PDE1A: variants seen among roughly 807,000 people sequenced by gnomAD.
The protein encoded by PDE1A is phosphodiesterase 1A.
In PDE1A, 35 loss-of-function variants were observed where a neutral mutation model predicts 61.7. The ratio of observed to expected loss-of-function variants is 0.57; its 90% CI spans 0.43 to 0.75. PDE1A has a LOEUF of 0.75. Ranked by LOEUF, PDE1A falls within the 30% of genes least tolerant of loss-of-function variation. The pLI is 0.00. For missense variants in PDE1A, 597 were observed against 630.6 expected (o/e 0.95, Z 0.57); for synonymous variants, 232 against 213.2 (o/e 1.09, Z -0.77).
intron 7 of PDE1A, among the ~76,000 whole-genome samples, chr2:182,210,136 G>A (rs1275484518): frequency 6.6e-6 from 1 of 152,180 alleles, no homozygotes; most frequent in Non-Finnish European, 1.5e-5. Context: ...GAATGTGTTT[G>A]TAATTTTTTT....
intron 11 of PDE1A, 37 bp downstream of exon 11, chr2:182,188,942 A>T: frequency 7.2e-7 from 1 of 1,380,296 alleles, no homozygotes; most frequent in Non-Finnish European, 1.0e-6. Context: ...TGACAAGCAC[A>T]CACTCACTTT....
chr2:182,262,513 C>T (rs900997261), intron 2 of PDE1A, among the ~76,000 whole-genome samples: 3 of 152,134 alleles, frequency 2.0e-5, no homozygotes, highest in Non-Finnish European at 4.4e-5. Context: ...AAGTGATCCG[C>T]CCACTTCAGC....
At chr2:182,411,849 GGAGTTCAA>G (rs917617666) in intron 1 of PDE1A, among the ~76,000 whole-genome samples, 10 of 152,116 alleles carry the variant, frequency 6.6e-5, no homozygotes, top group Admixed American at 2.0e-4. Flanking sequence ...TCACAGGTCA[GGAGTTCAA>G]GACCAGCCTG....
In PDE1A at chr2:182,225,715, A is replaced by C. The variant is rs1285817155; in HGVS notation, c.676-1751T>G. Among the ~76,000 whole-genome samples the C allele has an allele frequency of 2.9e-5, 4 of 139,352 alleles. 1 individual carries two copies. The highest frequency in any genetic ancestry group is 1.4e-4 in the African/African-American group (4 of 29,554). 91.4% of individuals were successfully genotyped at this position (139,352 alleles called of 152,430 possible). ...CACTGCACCTATCATGTCTTGTCAT[A>C]TGGTAAAATAAAGAATAAATGGCAT... On this transcript the variant is annotated intron_variant, in intron 6 of 13. Coordinates refer to ENST00000351439, the Ensembl canonical transcript of PDE1A.
At chr2:182,251,666 C>A (rs1691412696) in intron 2 of PDE1A, among the ~76,000 whole-genome samples, 1 of 152,186 alleles carries the variant, frequency 6.6e-6, no homozygotes, top group South Asian at 2.1e-4. Flanking sequence ...AAGCTCTATA[C>A]CAAGAAAATA....
At chr2:182,248,484 A>G (rs1370352072) in intron 2 of PDE1A, among the ~76,000 whole-genome samples, 1 of 152,158 alleles carries the variant, frequency 6.6e-6, no homozygotes, top group Admixed American at 6.5e-5. Flanking sequence ...CTGACCCTGC[A>G]TCCAATCTGT....
At chr2:182,669,507 A>C in the PDE1A span, among the ~76,000 whole-genome samples, 1 of 152,142 alleles carries the variant, frequency 6.6e-6, no homozygotes, top group Non-Finnish European at 1.5e-5. Flanking sequence ...CTCTTCTCTG[A>C]CTTTACCTTT....
At chr2:182,582,768 T>C in the PDE1A span, among the ~76,000 whole-genome samples, 1 of 152,194 alleles carries the variant, frequency 6.6e-6, no homozygotes, top group Non-Finnish European at 1.5e-5. Context: ...ACTACTAAGC[T>C]AGCGGACAGA....
chr2:182,277,732 G>A (rs1356122920), intron 1 of PDE1A, among the ~76,000 whole-genome samples: 1 of 152,114 alleles, frequency 6.6e-6, no homozygotes, highest in Non-Finnish European at 1.5e-5. Context: ...TGATTCTTAA[G>A]TGAAGTTTTT....
At chr2:182,297,156 T>A (rs546555065) in intron 1 of PDE1A, among the ~76,000 whole-genome samples, 2 of 152,338 alleles carry the variant, frequency 1.3e-5, no homozygotes, top group South Asian at 4.2e-4. Flanking sequence ...TATGATATAT[T>A]ATGATCTATA....
the PDE1A span, among the ~76,000 whole-genome samples, chr2:182,586,452 A>G: frequency 6.6e-6 from 1 of 151,562 alleles, no homozygotes; most frequent in Non-Finnish European, 1.5e-5. Context: ...CTGCTTCCAA[A>G]CCTCCCAATT....
the PDE1A span, among the ~76,000 whole-genome samples, chr2:182,609,668 C>T: frequency 1.3e-5 from 2 of 152,238 alleles, no homozygotes; most frequent in Non-Finnish European, 2.9e-5. Flanking sequence ...GACACACTGC[C>T]TTTAAGAACT....
chr2:182,475,291 G>C (rs969147657), intron 2 of PDE1A, among the ~76,000 whole-genome samples: 2 of 152,038 alleles, frequency 1.3e-5, no homozygotes, highest in Non-Finnish European at 2.9e-5. Context: ...AACAGGTGCA[G>C]ACTAAGGCCA....
chr2:182,570,141 G>T, the PDE1A span, among the ~76,000 whole-genome samples: 3 of 152,084 alleles, frequency 2.0e-5, no homozygotes, highest in Non-Finnish European at 4.4e-5. Flanking sequence ...GGTGGTTTAC[G>T]TAAAACATTC....
chr2:182,320,212 G>C (rs1043779807), intron 1 of PDE1A, among the ~76,000 whole-genome samples: 4 of 152,150 alleles, frequency 2.6e-5, no homozygotes, highest in African/African-American at 9.7e-5. Flanking sequence ...GGAAGATACT[G>C]TCCAGTTCCT....
intron 2 of PDE1A, among the ~76,000 whole-genome samples, chr2:182,462,111 C>G (rs1020931503): frequency 3.3e-5 from 5 of 151,406 alleles, no homozygotes; most frequent in African/African-American, 1.2e-4. Context: ...ACAATGAGAG[C>G]ACTTGGACAC....
chr2:182,230,670 G>A (rs1010216205), intron 5 of PDE1A, among the ~76,000 whole-genome samples: 2 of 152,084 alleles, frequency 1.3e-5, no homozygotes, highest in Non-Finnish European at 2.9e-5. Context: ...AAGAAAAGCT[G>A]GCAATAAAGG....
At chr2:182,531,713 T>A in the PDE1A span, among the ~76,000 whole-genome samples, 13 of 152,332 alleles carry the variant, frequency 8.5e-5, no homozygotes, top group African/African-American at 3.1e-4. Context: ...GTGGGTTTTT[T>A]AATATACTTT....
chr2:182,245,769 G>T (rs912095272), intron 2 of PDE1A, among the ~76,000 whole-genome samples: 1 of 152,046 alleles, frequency 6.6e-6, no homozygotes, highest in Non-Finnish European at 1.5e-5. Context: ...CATCTTGATT[G>T]CTCCAAGGTT....
Sources: gnomAD v4.1 joint callset for allele counts (sites outside exome capture counted in the v4.1 genomes callset) on GRCh38, gnomAD v4.1.1 for gene constraint, MANE v1.5 for transcripts, NCBI Gene and HGNC (gene_info 2026-07-23, HGNC 2026-07-21) for gene names.